Variants in CRIPTO observed in about 807,000 individuals in gnomAD.
CRIPTO encodes cripto, EGF-CFC family member, also known as protein Cripto.
chr3:46,579,481 G>A, the CRIPTO span: 1 of 1,566,638 alleles, frequency 6.4e-7, no homozygotes, highest in Non-Finnish European at 8.8e-7. Flanking sequence ...TGCAGGTGCT[G>A]GACTGCTTTT....
At chr3:46,580,670 C>T in the CRIPTO span, among the ~76,000 whole-genome samples, 1 of 152,204 alleles carries the variant, frequency 6.6e-6, no homozygotes, top group Non-Finnish European at 1.5e-5. Context: ...AGTCCTCTCT[C>T]CACCCTAGCC....
the CRIPTO span, among the ~76,000 whole-genome samples, chr3:46,576,663 A>C: frequency 6.6e-6 from 1 of 152,172 alleles, no homozygotes; most frequent in Non-Finnish European, 1.5e-5. Flanking sequence ...ACAACTATCT[A>C]ATAAAAGTTT....
chr3:46,580,058 G>T, the CRIPTO span: 1 of 1,614,244 alleles, frequency 6.2e-7, no homozygotes, highest in Non-Finnish European at 8.5e-7. Flanking sequence ...CTACCCGGCT[G>T]TGGTAAGCGG....
the CRIPTO span, among the ~76,000 whole-genome samples, chr3:46,580,471 C>G: frequency 6.6e-6 from 1 of 151,934 alleles, no homozygotes; most frequent in African/African-American, 2.4e-5. Flanking sequence ...GAGGCTTGGC[C>G]CCTTGCTAGT....
chr3:46,579,889 G>C, the CRIPTO span: 3 of 1,613,966 alleles, frequency 1.9e-6, no homozygotes, highest in African/African-American at 4.0e-5. Flanking sequence ...CCGTGGAGAG[G>C]AGAGAGAAAG....
At chr3:46,577,888 A>C in the CRIPTO span, 2 of 1,424,298 alleles carry the variant, frequency 1.4e-6, no homozygotes, top group Non-Finnish European at 2.0e-6. Context: ...TTAGGAGATG[A>C]ATGTTTTCCT....
At chr3:46,574,787 A>G in the CRIPTO span, among the ~76,000 whole-genome samples, 2 of 152,238 alleles carry the variant, frequency 1.3e-5, no homozygotes, top group Admixed American at 1.3e-4. Flanking sequence ...AATTTTAGGC[A>G]GACACAGGAA....
At chr3:46,576,853 G>T in the CRIPTO span, among the ~76,000 whole-genome samples, 3 of 152,074 alleles carry the variant, frequency 2.0e-5, no homozygotes, top group Non-Finnish European at 4.4e-5. Context: ...TCCATCTGGG[G>T]CGTCTGGCAC....
chr3:46,575,038 A>T, the CRIPTO span, among the ~76,000 whole-genome samples: 1 of 152,196 alleles, frequency 6.6e-6, no homozygotes. Flanking sequence ...GTTGCACAGC[A>T]CTTCCCAATC....
the CRIPTO span, among the ~76,000 whole-genome samples, chr3:46,580,853 T>A: frequency 4.6e-5 from 7 of 152,210 alleles, no homozygotes; most frequent in African/African-American, 1.2e-4. Flanking sequence ...GCCATTTGCA[T>A]CCTGGGTGTC....
the CRIPTO span, among the ~76,000 whole-genome samples, chr3:46,575,624 G>A: frequency 2.0e-5 from 3 of 152,296 alleles, no homozygotes; most frequent in Middle Eastern, 3.4e-3. Flanking sequence ...CTCTGAAAAT[G>A]CAGTGATTTC....
chr3:46,579,668 C>T, the CRIPTO span: 1 of 1,503,172 alleles, frequency 6.7e-7, no homozygotes, highest in East Asian at 2.3e-5. Context: ...GTTGTATTAA[C>T]CTTCGCTTAC....
chr3:46,578,945 G>A, the CRIPTO span: 1 of 845,474 alleles, frequency 1.2e-6, no homozygotes, highest in Non-Finnish European at 1.9e-6. Flanking sequence ...TTTGTTACAT[G>A]AATTAGCCAT....
chr3:46,577,891 G>A, the CRIPTO span: 3 of 1,462,942 alleles, frequency 2.1e-6, no homozygotes, highest in Non-Finnish European at 2.9e-6. Context: ...GGAGATGAAT[G>A]TTTTCCTTTG....
At chr3:46,576,480 C>CAAAAAAAAAAAA in the CRIPTO span, among the ~76,000 whole-genome samples, 1 of 55,054 alleles carries the variant, frequency 1.8e-5, no homozygotes, top group African/African-American at 9.4e-5. Context: ...GACTCTGTCG[C>CAAAAAAAAAAAA]AAAAAAAAAA....
At chr3:46,580,679 C>A in the CRIPTO span, among the ~76,000 whole-genome samples, 2 of 152,156 alleles carry the variant, frequency 1.3e-5, no homozygotes, top group Admixed American at 6.5e-5. Flanking sequence ...TCCACCCTAG[C>A]CTGAGCCAGG....
the CRIPTO span, chr3:46,579,610 CTT>C: frequency 8.0e-7 from 1 of 1,247,846 alleles, no homozygotes; most frequent in Non-Finnish European, 1.2e-6. Context: ...ATGAAAATGA[CTT>C]CTCTGCTCAA....
At chr3:46,579,932 C>A in the CRIPTO span, 1 of 1,614,076 alleles carries the variant, frequency 6.2e-7, no homozygotes, top group Non-Finnish European at 8.5e-7. Context: ...AGGCTATCGC[C>A]TTACCTGTTC....
chr3:46,579,882 T>C, the CRIPTO span: 1 of 1,614,014 alleles, frequency 6.2e-7, no homozygotes, highest in South Asian at 1.1e-5. Flanking sequence ...CGGGGAGCCG[T>C]GGAGAGGAGA....
Sources: allele counts gnomAD v4.1 joint callset (sites outside exome capture counted in the v4.1 genomes callset), GRCh38; gene constraint gnomAD v4.1.1; transcripts MANE v1.5; gene names NCBI Gene and HGNC (gene_info 2026-07-23, HGNC 2026-07-21).